The following TIMELESS variants were observed in gnomAD, a reference collection of about 807,000 sequenced individuals.
TIMELESS encodes timeless circadian regulator, also known as protein timeless homolog.
TIMELESS carries 124 observed loss-of-function variants against 164.3 expected under a neutral mutation model. That is an observed-to-expected ratio of 0.75 (90% confidence interval 0.65 to 0.88). TIMELESS has a LOEUF of 0.88. Among genes scored for constraint, TIMELESS ranks in the 40% least tolerant of loss-of-function variants. The pLI, the probability that TIMELESS is intolerant of heterozygous loss-of-function variation, is 0.00. For missense variants in TIMELESS, 1,422 were observed against 1,491.4 expected, an observed-to-expected ratio of 0.95 and a Z score of 0.77; for synonymous variants, 564 against 563.4, an observed-to-expected ratio of 1.00 and a Z score of -0.02.
rs1308453340 is a variant in TIMELESS, at chr12:56,433,961, T to C, written c.98-35A>G. 13 of 1,612,628 alleles carry C rather than the reference T, an allele frequency of 8.1e-6. No homozygotes were observed. In the African/African-American group the frequency reaches 1.2e-4, roughly 15 times the overall value. ...CAGAACAAAACATGCATGTGGAACC[T>C]TGGAAGAAGCTCCATCCAGACCCAC... On this transcript the variant is annotated intron_variant, in intron 2 of 28. Transcript: ENST00000553532.
In TIMELESS at chr12:56,417,721, C is replaced by G. The variant is rs753588320; in HGVS notation, c.3622G>C (p.Asp1208His). The G allele has an allele frequency of 1.1e-5, 17 of 1,614,010 alleles. No homozygotes were observed. Among genetic ancestry groups the G allele is most frequent in the Admixed American group, 5.0e-5 (3 of 59,998 alleles). Residue 1208 changes from aspartate (D) to histidine (H), a missense_variant, in exon 29 of 29, where the codon GAC becomes CAC. By Grantham distance (81) the Asp-to-His change is moderately conservative (BLOSUM62 -1). Transcript: ENST00000553532. ...KRYQIEDDED[D>H] The stretch of plus-strand genomic sequence containing the variant: ...CCCCTAGGCTTCTTAGCTCTTCAGT[C>G]ATCCTCATCATCCTCAATCTGGTAT...
intron 26 of TIMELESS, among the ~76,000 whole-genome samples, chr12:56,420,006 C>CAAAAAAAAAA (rs57647901): frequency 0.014 from 182 of 13,282 alleles, 46 homozygotes; most frequent in Admixed American, 0.032. Flanking sequence ...GACTCTGTCT[C>CAAAAAAAAAA]AAAAAAAAAA....
rs145949079 is a variant in TIMELESS at position 56,446,907 on chromosome 12, C to T, written c.-62+2403G>A. Among the ~76,000 whole-genome samples the T allele has an allele frequency of 1.6e-3, 245 of 151,982 alleles. 1 individual carries two copies. Among genetic ancestry groups the T allele is most frequent in the Non-Finnish European group, 3.0e-3 (202 of 67,976 alleles). On this transcript the variant is annotated intron_variant, in intron 1 of 28. Coordinates refer to ENST00000553532, the MANE Select transcript of TIMELESS (RefSeq NM_003920.5). Reference sequence around the variant, plus strand: ...CTTAATGTCTACTGTGTACCATATTCAGACTTCCAACATGGTACTTACAAT... The same window carrying T: ...CTTAATGTCTACTGTGTACCATATTTAGACTTCCAACATGGTACTTACAAT...
In TIMELESS at chr12:56,431,461, T is replaced by G. The variant is rs1401040106; in HGVS notation, c.821+10A>C. The G allele has an allele frequency of 1.2e-6, 2 of 1,602,562 alleles. No homozygotes were observed. Among genetic ancestry groups the G allele is most frequent in the Middle Eastern group, 1.7e-4 (1 of 6,000 alleles). On this transcript the variant is annotated intron_variant, in intron 8 of 28. Coordinates refer to ENST00000553532, the MANE Select transcript of TIMELESS (RefSeq NM_003920.5). ...ATGTAGGAAAAAGAACCTGCCTCTC[T>G]GTCACTCACCTGTTGCCTCGCTGGA...
At chr12:56,418,407 C>T in intron 26 of TIMELESS, 48 bp from the exon 27 acceptor site, 1 of 1,383,878 alleles carries the variant, frequency 7.2e-7, no homozygotes, top group Non-Finnish European at 1.0e-6. Flanking sequence ...CTTTTTGTTT[C>T]CCAGAGTATG....
rs143437490 is a variant in TIMELESS, at chr12:56,428,561, G to A, written c.1396C>T (p.Arg466Cys). The change falls in exon 12 of 29, where the codon CGC becomes TGC. Residue 466 changes from arginine to cysteine, a missense_variant. Arg to Cys is a radical substitution (Grantham distance 180, BLOSUM62 -3). Transcript: ENST00000553532. ...SPDEAVRESS[R>C]IIKNNIFYVM... ...GCCAGGGCCTCACTCTTGATGATGC[G>A]GCTGCTCTCCCTCACAGCCTCATCT... The A allele has an allele frequency of 1.1e-5, 18 of 1,613,830 alleles. No homozygotes were observed. The highest frequency in any genetic ancestry group is 2.2e-5 in the East Asian group (1 of 44,896).
chr12:56,433,077 T>C lies in TIMELESS; in HGVS notation c.480A>G (p.Leu160=). The C allele has an allele frequency of 7.4e-6, 12 of 1,613,482 alleles. No homozygotes were observed. Among genetic ancestry groups the C allele is most frequent in the Non-Finnish European group, 1.0e-5 (12 of 1,179,914 alleles). ...EEDNLLIERI[L]LLVRNILHVP... is the part of the protein sequence containing the mutation. ...CATGGAGAATATTTCTGACCAGCAGTAGGATCCGTTCAATCAGCAAGTTGT... is the reference window on the plus strand; with the variant it reads ...CATGGAGAATATTTCTGACCAGCAGCAGGATCCGTTCAATCAGCAAGTTGT... The change falls in exon 6 of 29, where the codon CTA becomes CTG. Residue 160 remains leucine (L), a synonymous_variant. Coordinates refer to ENST00000553532, the MANE Select transcript of TIMELESS (RefSeq NM_003920.5).
intron 1 of TIMELESS, among the ~76,000 whole-genome samples, chr12:56,447,182 G>GTTTTTT (rs144004569): frequency 1.1e-5 from 1 of 89,246 alleles, no homozygotes; most frequent in Non-Finnish European, 2.2e-5. Flanking sequence ...GCTAATTTTT[G>GTTTTTT]TTTTTTTTTT....
rs115228821 is a variant in TIMELESS at position 56,420,880 on chromosome 12, G to C, written c.3042C>G (p.Gly1014=). 3 of 1,614,116 alleles carry C rather than the reference G, an allele frequency of 1.9e-6. No homozygotes were observed. Among genetic ancestry groups the C allele is most frequent in the Middle Eastern group, 1.6e-4 (1 of 6,062 alleles). ...GGAGCCATAGGAGCGGGATAGAAAA[G>C]CCTAAGGAAATGAGGGAAACTTACA... ...ENLGQSLHQE[G]FSIPLLWLQN... Residue 1014 remains glycine, a splice_region_variant and synonymous_variant, in exon 25 of 29, where the codon GGC becomes GGG. Coordinates refer to ENST00000553532, the MANE Select transcript of TIMELESS (RefSeq NM_003920.5).
At position 56,417,984 on chromosome 12, in the gene TIMELESS, G is replaced by A. The variant is rs771133669; in HGVS notation, c.3479C>T (p.Pro1160Leu). 37 of 1,614,006 alleles carry A rather than the reference G, an allele frequency of 2.3e-5. No homozygotes were observed. Among genetic ancestry groups the A allele is most frequent in the Admixed American group, 1.7e-4 (10 of 59,988 alleles). Residue 1160 changes from proline (P) to leucine (L), a missense_variant, in exon 28 of 29, where the codon CCG (proline) becomes CTG (leucine). Physicochemically the swap from Pro to Leu is moderately conservative, Grantham distance 98. Transcript: ENST00000553532. The stretch of plus-strand genomic sequence containing the variant: ...TCGTTTCTTGGGTGCTGCCTTCAGC[G>A]GCTCTTTACCAACAGCGTCTTCCTC... Reference protein sequence around the residue: ...PEEEDAVGKEPLKAAPKKRQL... With the variant: ...PEEEDAVGKELLKAAPKKRQL...
intron 6 of TIMELESS, among the ~76,000 whole-genome samples, chr12:56,432,768 C>A (rs975872123): frequency 1.4e-5 from 2 of 145,260 alleles, no homozygotes; most frequent in African/African-American, 5.2e-5. Context: ...CATGGTGAAA[C>A]CCTGTCTCTA....
Position 56,423,687 on chromosome 12 carries a change from G to C in TIMELESS, c.1987C>G (p.Arg663Gly), listed in dbSNP as rs745896818. ...TCCTCTTCTTCTTCCTCTGCCCCAC[G>C]TTCCTCTGGGCCCTGCTGCCCTATA... ...PLPRQQGPEE[R>G]GAEEEEEEEE... The change falls in exon 17 of 29, where the codon CGT (arginine) becomes GGT (glycine). Residue 663 changes from arginine to glycine, a missense_variant. By Grantham distance (125) the Arg-to-Gly change is moderately radical (BLOSUM62 -2). Coordinates refer to ENST00000553532, the MANE Select transcript of TIMELESS (RefSeq NM_003920.5). The C allele has an allele frequency of 6.2e-7, 1 of 1,613,800 alleles. No homozygotes were observed. The highest frequency in any genetic ancestry group is 2.2e-5 in the East Asian group (1 of 44,866).
At chr12:56,432,618 C>T in intron 6 of TIMELESS, 94 bp from the exon 7 acceptor site, 1 of 1,517,250 alleles carries the variant, frequency 6.6e-7, no homozygotes. Flanking sequence ...CAAGCCTCCT[C>T]TCCCAGACTT....
chr12:56,432,638 C>A, intron 6 of TIMELESS, 114 bp from the exon 7 acceptor site: 1 of 1,424,450 alleles, frequency 7.0e-7, no homozygotes, highest in South Asian at 1.4e-5. Context: ...TGTCAGAGGA[C>A]AGAATAGCCC....
In TIMELESS at chr12:56,432,948, C is replaced by T. The variant is rs183940802; in HGVS notation, c.531+78G>A. 6.6e-5 allele frequency: 59 copies of T among 900,260 alleles called. 1 individual carries two copies. The African/African-American group carries it at 8.1e-4, about 12-fold the overall frequency. The allele number at this position is 900,260 out of a possible 1,614,324, so 55.8% of individuals were successfully genotyped here. ...CCAGCCTGGCGACAGAGAGAGACTC[C>T]GTCTCAAAAAAAAAAAAAAAAAAAA... On this transcript the variant is annotated intron_variant, in intron 6 of 28. Coordinates refer to ENST00000553532, the MANE Select transcript of TIMELESS (RefSeq NM_003920.5).
At chr12:56,443,344 G>A (rs1348351794) in intron 1 of TIMELESS, among the ~76,000 whole-genome samples, 1 of 152,292 alleles carries the variant, frequency 6.6e-6, no homozygotes, top group African/African-American at 2.4e-5. Context: ...ATGCGGTTGA[G>A]ATAAGGGATG....
intron 15 of TIMELESS, 126 bp from the exon 16 acceptor site, chr12:56,424,020 C>T: frequency 2.4e-6 from 2 of 831,658 alleles, no homozygotes; most frequent in Non-Finnish European, 1.9e-6. Flanking sequence ...AAACTGTTAC[C>T]TCAAATGAAA....
At chr12:56,445,409 C>CGTTT (rs1440324948) in intron 1 of TIMELESS, among the ~76,000 whole-genome samples, 1 of 90,606 alleles carries the variant, frequency 1.1e-5, no homozygotes, top group Admixed American at 1.8e-4. Context: ...GAAACAAGAG[C>CGTTT]GAAACTCCAC....
Position 56,421,123 on chromosome 12 carries a change from C to T in TIMELESS, c.2880G>A (p.Ala960=), listed in dbSNP as rs754156504. ...KLASSILPNG[A]ESLKDFCQED... ...CCTGGCAAAAATCTTTCAGGGACTC[C>T]GCTCCATTTGGCTAAAATTCATTGG... Residue 960 remains alanine (A), a synonymous_variant, in exon 24 of 29, where the codon GCG becomes GCA. Coordinates refer to ENST00000553532, the MANE Select transcript of TIMELESS (RefSeq NM_003920.5). 1.9e-5 allele frequency: 31 copies of T among 1,613,868 alleles called. No individual in the cohort carries two copies. The highest frequency in any genetic ancestry group is 4.0e-5 in the African/African-American group (3 of 74,836).
Sources: allele counts gnomAD v4.1 joint callset (sites outside exome capture counted in the v4.1 genomes callset), GRCh38; gene constraint gnomAD v4.1.1; transcripts MANE v1.5; gene names NCBI Gene and HGNC (gene_info 2026-07-23, HGNC 2026-07-21).